PXDN: variants seen among roughly 807,000 people sequenced by gnomAD.
PXDN encodes peroxidasin.
A neutral mutation model predicts 140.3 loss-of-function variants in PXDN; 77 were observed. That is an observed-to-expected ratio of 0.55 (90% CI 0.46 to 0.66). PXDN has a LOEUF of 0.66. Ranked by LOEUF, PXDN falls within the 30% of genes least tolerant of loss-of-function variation. The probability of loss-of-function intolerance (pLI) is 0.00; values close to 1 mark genes in which losing one functional copy is unlikely to be tolerated. For missense variants in PXDN, 1,838 were observed against 2,039.5 expected (o/e 0.90, Z 1.90); for synonymous variants, 911 against 857.4 (o/e 1.06, Z -1.09).
intron 22 of PXDN, 111 bp from the exon 23 acceptor site, chr2:1,634,434 C>T: frequency 7.5e-7 from 1 of 1,342,106 alleles, no homozygotes; most frequent in Non-Finnish European, 1.0e-6. Context: ...CAGGCCTTGC[C>T]CTGAGGCCCC....
intron 19 of PXDN, among the ~76,000 whole-genome samples, chr2:1,641,700 A>G (rs528201947): frequency 2.6e-4 from 39 of 152,364 alleles, no homozygotes; most frequent in Non-Finnish European, 4.3e-4. Context: ...AGCCTCTCCC[A>G]CAGTGCCCTG....
At chr2:1,699,016 A>G (rs2125455562) in intron 1 of PXDN, among the ~76,000 whole-genome samples, 1 of 152,168 alleles carries the variant, frequency 6.6e-6, no homozygotes, top group Admixed American at 6.6e-5. Context: ...TGTACTAAAA[A>G]TCCTACCAGA....
intron 8 of PXDN, among the ~76,000 whole-genome samples, chr2:1,675,528 C>T (rs1283761442): frequency 1.3e-5 from 2 of 152,166 alleles, no homozygotes; most frequent in Non-Finnish European, 2.9e-5. Context: ...GTGACTGCAC[C>T]TTACAGGCTC....
At chr2:1,725,222 T>G (rs1388783973) in intron 1 of PXDN, among the ~76,000 whole-genome samples, 1 of 152,228 alleles carries the variant, frequency 6.6e-6, no homozygotes, top group Non-Finnish European at 1.5e-5. Flanking sequence ...TCCTGCAACT[T>G]TACTAAATTT....
chr2:1,725,329 G>T (rs549193283), intron 1 of PXDN, among the ~76,000 whole-genome samples: 127 of 152,262 alleles, frequency 8.3e-4, no homozygotes, highest in Admixed American at 2.2e-3. Context: ...AATGGGGAAA[G>T]GATTCCCTAT....
chr2:1,730,820 C>T (rs180986635), intron 1 of PXDN, among the ~76,000 whole-genome samples: 14 of 152,170 alleles, frequency 9.2e-5, no homozygotes, highest in Admixed American at 7.2e-4. Flanking sequence ...ACAAGCAATC[C>T]GGCTGTGACC....
intron 9 of PXDN, 102 bp downstream of exon 9, chr2:1,673,541 T>G: frequency 6.9e-7 from 1 of 1,445,784 alleles, no homozygotes; most frequent in South Asian, 1.3e-5. Flanking sequence ...AACTTCAGAC[T>G]TCAATGTTCA....
chr2:1,670,078 T>G (rs1030307008), intron 9 of PXDN, among the ~76,000 whole-genome samples: 2 of 152,238 alleles, frequency 1.3e-5, no homozygotes, highest in Non-Finnish European at 2.9e-5. Flanking sequence ...TACAGGGCTC[T>G]GCTGACAGTC....
intron 1 of PXDN, among the ~76,000 whole-genome samples, chr2:1,710,215 C>T (rs778036995): frequency 2.0e-5 from 3 of 152,090 alleles, no homozygotes; most frequent in East Asian, 1.9e-4. Context: ...AGACACACGC[C>T]GAAGAACAGC....
In PXDN at chr2:1,638,737, G is replaced by A; in HGVS notation, c.4206+109C>T. On this transcript the variant is annotated intron_variant, in intron 21 of 22. Transcript: ENST00000252804. ...GCTCCAGGGTCTGGGTCCTGTGTGG[G>A]CAGTTGAACAGTTGCCTGGGAATAA... The A allele has an allele frequency of 2.6e-6, 4 of 1,512,802 alleles. No homozygotes were observed. The South Asian group carries it at 4.6e-5, about 17-fold the overall frequency. The allele number at this position is 1,512,802 out of a possible 1,614,324, so 93.7% of individuals were successfully genotyped here.
intron 1 of PXDN, among the ~76,000 whole-genome samples, chr2:1,711,058 G>C (rs1457499233): frequency 4.1e-5 from 1 of 24,584 alleles, no homozygotes. Flanking sequence ...ACCAGCACCC[G>C]CTCCACAAGC....
At chr2:1,657,677 C>A (rs1473673980) in intron 14 of PXDN, among the ~76,000 whole-genome samples, 1 of 151,784 alleles carries the variant, frequency 6.6e-6, no homozygotes, top group Admixed American at 6.6e-5. Context: ...CTGACAGGGA[C>A]CAGCCCCTCC....
At position 1,638,452 on chromosome 2, in the gene PXDN, T is replaced by C. The variant is rs182771628; in HGVS notation, c.4206+394A>G. On this transcript the variant is annotated intron_variant, in intron 21 of 22. Transcript: ENST00000252804. ...CTGGATCAGTTGTGGAGGGCTGACC[T>C]GGAAGTGCCTCCTTACCACGCCCTG... Among the ~76,000 whole-genome samples the C allele has an allele frequency of 5.4e-3, 829 of 152,308 alleles. 5 individuals are homozygous for C. Among genetic ancestry groups the C allele is most frequent in the Admixed American group, 9.5e-3 (145 of 15,306 alleles).
chr2:1,680,084 TGTG>T (rs1403345261), intron 7 of PXDN, 106 bp downstream of exon 7: 3 of 1,250,608 alleles, frequency 2.4e-6, no homozygotes, highest in Admixed American at 2.4e-5. Flanking sequence ...TGTGTGTAAA[TGTG>T]TGTGTGTGGT....
chr2:1,738,031 T>C (rs990269803), intron 1 of PXDN, among the ~76,000 whole-genome samples: 1 of 152,144 alleles, frequency 6.6e-6, no homozygotes, highest in Non-Finnish European at 1.5e-5. Context: ...AATTCAACCA[T>C]CCAGCCTTGA....
At chr2:1,723,024 A>T (rs1002998146) in intron 1 of PXDN, among the ~76,000 whole-genome samples, 1 of 152,238 alleles carries the variant, frequency 6.6e-6, no homozygotes, top group African/African-American at 2.4e-5. Flanking sequence ...GGATGAATGG[A>T]CAGATGGATG....
At chr2:1,690,933 C>T (rs1277262693) in intron 3 of PXDN, among the ~76,000 whole-genome samples, 5 of 152,184 alleles carry the variant, frequency 3.3e-5, no homozygotes, top group African/African-American at 1.2e-4. Flanking sequence ...AATAACAAGA[C>T]GACTTTGTTT....
chr2:1,711,477 ACCAGCACCCGCTCCACCAGCACCCACT>A, intron 1 of PXDN, among the ~76,000 whole-genome samples: 3 of 120,184 alleles, frequency 2.5e-5, no homozygotes, highest in Non-Finnish European at 3.4e-5. Flanking sequence ...CACCCGCTCC[ACCAGCACCCGCTCCACCAGCACCCACT>A]CTCCACCAGC....
chr2:1,708,870 C>A (rs954348087), intron 1 of PXDN, among the ~76,000 whole-genome samples: 3 of 152,198 alleles, frequency 2.0e-5, no homozygotes, highest in African/African-American at 7.2e-5. Flanking sequence ...AACCTCTCTA[C>A]GTGTACAGGT....
Sources: gnomAD v4.1 joint callset for allele counts (sites outside exome capture counted in the v4.1 genomes callset) on GRCh38, gnomAD v4.1.1 for gene constraint, MANE v1.5 for transcripts, NCBI Gene and HGNC (gene_info 2026-07-23, HGNC 2026-07-21) for gene names.